Variants in NCOR1 observed in about 807,000 individuals in gnomAD.
NCOR1 encodes nuclear receptor corepressor 1.
NCOR1 carries 63 observed loss-of-function variants against 288.1 expected under a neutral mutation model. That is an observed-to-expected ratio of 0.22 (90% confidence interval 0.18 to 0.27). The LOEUF (loss-of-function observed/expected upper bound fraction) is 0.27. NCOR1 is among the 10% of genes least tolerant of loss of function. The probability of loss-of-function intolerance (pLI) is 1.00; values close to 1 mark genes in which losing one functional copy is unlikely to be tolerated. For missense variants in NCOR1, 2,397 were observed against 3,019.2 expected (o/e 0.79, Z 4.83); for synonymous variants, 1,007 against 1,065.9 (o/e 0.94, Z 1.08).
intron 3 of NCOR1, among the ~76,000 whole-genome samples, chr17:16,177,731 T>TGGCA (rs2084511449): frequency 6.6e-6 from 1 of 152,156 alleles, no homozygotes; most frequent in Non-Finnish European, 1.5e-5. Context: ...CTTTACAGAA[T>TGGCA]GGCACATCCC....
intron 22 of NCOR1, among the ~76,000 whole-genome samples, chr17:16,087,575 T>A (rs932038619): frequency 2.0e-5 from 3 of 152,126 alleles, no homozygotes; most frequent in Admixed American, 6.5e-5. Flanking sequence ...AAAAAGAACT[T>A]CTCTTTCCTC....
chr17:16,121,084 G>A lies in NCOR1; in HGVS notation c.1820C>T (p.Pro607Leu). Residue 607 changes from proline to leucine, a missense_variant, in exon 16 of 46, where the codon CCC (proline) becomes CTC (leucine). Pro to Leu is a moderately conservative substitution (Grantham distance 98, BLOSUM62 -3). Coordinates refer to ENST00000268712, the MANE Select transcript of NCOR1 (RefSeq NM_006311.4). ...SAAAAAATEE[P>L]PPPLPPPPEP... The stretch of plus-strand genomic sequence containing the variant: ...TGGTGGCGGTGGCAGAGGTGGTGGG[G>A]GCTCTTCAGTAGCCGCTGCGGCTGC... The A allele has an allele frequency of 6.2e-7, 1 of 1,613,974 alleles. No homozygotes were observed. Among genetic ancestry groups the A allele is most frequent in the Non-Finnish European group, 8.5e-7 (1 of 1,179,946 alleles).
intron 41 of NCOR1, 56 bp downstream of exon 41, chr17:16,048,786 ATGT>A: frequency 6.9e-7 from 1 of 1,446,550 alleles, no homozygotes; most frequent in Non-Finnish European, 9.2e-7. Flanking sequence ...ACTGAAGGAA[ATGT>A]TAAAGCATGA....
intron 18 of NCOR1, among the ~76,000 whole-genome samples, chr17:16,114,553 A>G (rs566389853): frequency 3.3e-5 from 5 of 152,282 alleles, no homozygotes; most frequent in African/African-American, 1.2e-4. Context: ...GTTACTTCCT[A>G]GATACAATGG....
At chr17:16,040,800 C>T (rs538638558) in intron 42 of NCOR1, 11 of 356,654 alleles carry the variant, frequency 3.1e-5, no homozygotes, top group African/African-American at 1.7e-4. Flanking sequence ...CAGGCTGAGG[C>T]GGTAGGACTG....
At chr17:16,061,182 T>C (rs1423220018) in intron 37 of NCOR1, among the ~76,000 whole-genome samples, 6 of 152,210 alleles carry the variant, frequency 3.9e-5, no homozygotes, top group African/African-American at 1.2e-4. Context: ...TTTAATTACA[T>C]GAATGATACA....
intron 44 of NCOR1, among the ~76,000 whole-genome samples, chr17:16,035,607 C>A (rs1212603080): frequency 6.7e-6 from 1 of 150,074 alleles, no homozygotes; most frequent in Non-Finnish European, 1.5e-5. Context: ...ACAATCACGG[C>A]TTACCAGCTC....
intron 31 of NCOR1, among the ~76,000 whole-genome samples, chr17:16,068,771 T>C (rs2061412996): frequency 6.7e-6 from 1 of 150,192 alleles, no homozygotes; most frequent in African/African-American, 2.5e-5. Context: ...TGGAGTGCAG[T>C]GGCGTGATCT....
chr17:16,042,852 G>A (rs2152085966), intron 42 of NCOR1, among the ~76,000 whole-genome samples: 1 of 152,326 alleles, frequency 6.6e-6, no homozygotes, highest in South Asian at 2.1e-4. Context: ...AATGAGGTCT[G>A]CAAAGATATG....
At chr17:16,065,209 A>G (rs931618112) in intron 33 of NCOR1, among the ~76,000 whole-genome samples, 190 bp from the exon 34 acceptor site, 1 of 152,232 alleles carries the variant, frequency 6.6e-6, no homozygotes, top group Non-Finnish European at 1.5e-5. Context: ...ACTTCACATC[A>G]GTAACCTCAA....
At chr17:16,202,984 G>C (rs1052633330) in intron 1 of NCOR1, among the ~76,000 whole-genome samples, 1 of 151,910 alleles carries the variant, frequency 6.6e-6, no homozygotes, top group Non-Finnish European at 1.5e-5. Flanking sequence ...GCAGCAGCTA[G>C]CAGTACTTAG....
At chr17:16,143,560 G>A (rs1568301503) in intron 11 of NCOR1, 46 bp downstream of exon 11, 2 of 1,463,236 alleles carry the variant, frequency 1.4e-6, no homozygotes, top group East Asian at 2.3e-5. Flanking sequence ...GAGTTAAAAT[G>A]CTTTAATAAT....
In NCOR1 at chr17:16,071,428, A is replaced by T; in HGVS notation, c.4133T>A (p.Ile1378Asn). ...AGTTACCTGGGAAATGGAACCCTCA[A>T]TTATCGGCCGTGTGCTCTGGACCAC... ...PEVVQSTRPIIEGSISQGTPI... is the reference protein window; with the variant it reads ...PEVVQSTRPINEGSISQGTPI... Residue 1378 changes from isoleucine to asparagine, a missense_variant, in exon 30 of 46, where the codon ATT becomes AAT. Around this residue, in one of 11 missense-constraint regions of NCOR1, gnomAD observed 1,872 missense variants for 2,187.8 expected, o/e 0.86. Coordinates refer to ENST00000268712, the MANE Select transcript of NCOR1 (RefSeq NM_006311.4). The T allele has an allele frequency of 6.2e-7, 1 of 1,613,002 alleles. No homozygotes were observed. The highest frequency in any genetic ancestry group is 8.5e-7 in the Non-Finnish European group (1 of 1,179,422).
At chr17:16,212,618 AAT>A (rs2092238493) in intron 1 of NCOR1, among the ~76,000 whole-genome samples, 1 of 152,256 alleles carries the variant, frequency 6.6e-6, no homozygotes, top group Non-Finnish European at 1.5e-5. Flanking sequence ...TAGATCACAG[AAT>A]ACAATTAAAA....
chr17:16,179,787 G>A (rs1366789222), intron 3 of NCOR1, among the ~76,000 whole-genome samples: 7 of 151,926 alleles, frequency 4.6e-5, no homozygotes, highest in Non-Finnish European at 5.9e-5. Context: ...AGGCCCAGGC[G>A]GGCGGATCAC....
chr17:16,064,342 G>GT (rs1164845920), intron 34 of NCOR1, among the ~76,000 whole-genome samples, 155 bp from the exon 35 acceptor site: 1 of 152,180 alleles, frequency 6.6e-6, no homozygotes, highest in African/African-American at 2.4e-5. Flanking sequence ...GCTGACACCT[G>GT]TAATCCCAGC....
intron 3 of NCOR1, 63 bp from the exon 4 acceptor site, chr17:16,172,058 C>T: frequency 7.6e-7 from 1 of 1,310,242 alleles, no homozygotes; most frequent in South Asian, 1.5e-5. Context: ...TCCCTGGTAA[C>T]ATCCCTGGTT....
At chr17:16,106,881 ATATTTTTTTTTTT>A (rs1378249045) in intron 19 of NCOR1, among the ~76,000 whole-genome samples, 13 of 44,662 alleles carry the variant, frequency 2.9e-4, no homozygotes, top group Admixed American at 2.7e-3. Context: ...ATATATATAT[ATATTTTTTTTTTT>A]TTTTTTTTTT....
intron 8 of NCOR1, chr17:16,151,455 G>T: frequency 1.7e-6 from 1 of 589,998 alleles, no homozygotes; most frequent in Non-Finnish European, 2.7e-6. Flanking sequence ...AAGAGTCATG[G>T]AAGGGATTTC....
Sources: gnomAD v4.1 joint callset for allele counts (sites outside exome capture counted in the v4.1 genomes callset) on GRCh38, gnomAD v4.1.1 for gene constraint, gnomAD v4.1.1 regional missense constraint, MANE v1.5 for transcripts, NCBI Gene and HGNC (gene_info 2026-07-23, HGNC 2026-07-21) for gene names.